The following SYNE2 variants were observed in gnomAD, a reference collection of about 807,000 sequenced individuals.
SYNE2 encodes nesprin-2.
A neutral mutation model predicts 856.3 loss-of-function variants in SYNE2; 431 were observed. That is an observed-to-expected ratio of 0.50 (90% CI 0.47 to 0.55). The LOEUF (loss-of-function observed/expected upper bound fraction) is 0.55, where lower values mean the gene tolerates loss of function less well. Ranked by LOEUF, SYNE2 falls within the 20% of genes least tolerant of loss-of-function variation. The probability of loss-of-function intolerance (pLI) is 0.00; values close to 1 mark genes in which losing one functional copy is unlikely to be tolerated. For synonymous variants in SYNE2, 2,923 were observed against 2,872.3 expected (o/e 1.02, Z -0.56); for missense variants, 8,129 against 8,023.2 (o/e 1.01, Z -0.50).
At chr14:64,096,506 C>CT (rs1215080346) in intron 61 of SYNE2, among the ~76,000 whole-genome samples, 8 of 152,178 alleles carry the variant, frequency 5.3e-5, no homozygotes, top group Non-Finnish European at 1.0e-4. Context: ...TTGTGTTATC[C>CT]TAGTGGCTGT....
chr14:64,127,431 A>G (rs1019146355), intron 73 of SYNE2, among the ~76,000 whole-genome samples: 6 of 152,112 alleles, frequency 3.9e-5, no homozygotes, highest in Non-Finnish European at 8.8e-5. Flanking sequence ...AAAAAAATAA[A>G]AAATAAAAAA....
At chr14:64,167,727 A>T (rs2098388562) in intron 92 of SYNE2, 88 bp downstream of exon 92, 3 of 1,554,962 alleles carry the variant, frequency 1.9e-6, no homozygotes, top group African/African-American at 2.7e-5. Context: ...CAGGGAGTGT[A>T]CCTATCAGTC....
chr14:64,224,911 A>G, intron 114 of SYNE2, 88 bp from the exon 115 acceptor site: 3 of 1,279,086 alleles, frequency 2.3e-6, no homozygotes, highest in Non-Finnish European at 2.2e-6. Context: ...AAGGTGGTAT[A>G]TAATTTAAGG....
chr14:63,947,729 C>T (rs1222492482), intron 6 of SYNE2, among the ~76,000 whole-genome samples: 2 of 152,028 alleles, frequency 1.3e-5, no homozygotes, highest in Non-Finnish European at 2.9e-5. Flanking sequence ...TCCAGCTACT[C>T]GAGAGGCTGA....
chr14:63,998,395 C>CTT, intron 26 of SYNE2, 67 bp downstream of exon 26: 5 of 1,095,446 alleles, frequency 4.6e-6, no homozygotes, highest in Non-Finnish European at 6.9e-6. Context: ...ACATGTTAGA[C>CTT]TTTTTAAAAG....
upstream of SYNE2, among the ~76,000 whole-genome samples, chr14:63,848,814 T>C (rs988601123): frequency 7.2e-5 from 11 of 152,242 alleles, no homozygotes; most frequent in African/African-American, 2.2e-4. Flanking sequence ...ATTTGTTTAG[T>C]GCTCACTGCC....
chr14:63,864,873 T>C (rs546213828), intron 1 of SYNE2, among the ~76,000 whole-genome samples: 112 of 152,146 alleles, frequency 7.4e-4, no homozygotes, highest in Non-Finnish European at 5.9e-4. Flanking sequence ...CCTGGGGTGT[T>C]GATCTTGAGT....
chr14:64,216,133 C>G (rs1001323434), intron 107 of SYNE2, 115 bp from the exon 108 acceptor site: 2 of 1,579,270 alleles, frequency 1.3e-6, no homozygotes, highest in East Asian at 2.3e-5. Flanking sequence ...TGCAAACATG[C>G]ATGCTTTGCA....
At chr14:63,981,727 G>C (rs886370266) in intron 16 of SYNE2, among the ~76,000 whole-genome samples, 1 of 151,922 alleles carries the variant, frequency 6.6e-6, no homozygotes, top group African/African-American at 2.4e-5. Context: ...TATCTGAGGT[G>C]GTTTTTCTTT....
At chr14:63,900,527 C>T (rs113959845) in intron 1 of SYNE2, among the ~76,000 whole-genome samples, 53 of 152,192 alleles carry the variant, frequency 3.5e-4, no homozygotes, top group African/African-American at 1.1e-3. Context: ...AAAGACCCAC[C>T]GCCATAATTC....
intron 99 of SYNE2, among the ~76,000 whole-genome samples, chr14:64,199,791 G>A (rs147119231): frequency 1.6e-3 from 247 of 151,600 alleles, no homozygotes; most frequent in African/African-American, 5.6e-3. Context: ...GGCCATCAGC[G>A]TGGGATATAG....
At chr14:64,084,244 T>C (rs2097543921) in intron 57 of SYNE2, 1 of 152,200 alleles carries the variant, frequency 6.6e-6, no homozygotes, top group African/African-American at 2.4e-5. Flanking sequence ...ATCAAATTTA[T>C]TGAGGTATAA....
At chr14:64,209,213 T>C in intron 101 of SYNE2, 2 of 876,242 alleles carry the variant, frequency 2.3e-6, no homozygotes, top group Non-Finnish European at 3.5e-6. Flanking sequence ...GGCAGCCCTG[T>C]CTCCTGGTTT....
intron 1 of SYNE2, chr14:63,864,506 T>C (rs1466169226): frequency 6.6e-6 from 1 of 152,234 alleles, no homozygotes. Flanking sequence ...CATGTTGTCT[T>C]GCAGTCGGTC....
In SYNE2 at chr14:64,030,198, A is replaced by G. The variant is rs937364392; in HGVS notation, c.6879+139A>G. Reference sequence around the variant, plus strand: ...TAGGTAATTAAAGCTCTGACCAGTCATAATAAATGAGAATGTCCTTCTTTA... The same window carrying G: ...TAGGTAATTAAAGCTCTGACCAGTCGTAATAAATGAGAATGTCCTTCTTTA... On this transcript the variant is annotated intron_variant, in intron 44 of 115. Coordinates refer to ENST00000555002, the MANE Select transcript of SYNE2 (RefSeq NM_182914.3). 7 of 861,642 alleles carry G rather than the reference A, an allele frequency of 8.1e-6. No homozygotes were observed. The East Asian group carries it at 1.1e-4, about 13-fold the overall frequency. 53.4% of individuals were successfully genotyped at this position (861,642 alleles called of 1,614,324 possible).
intron 1 of SYNE2, among the ~76,000 whole-genome samples, chr14:63,885,512 T>C (rs1405807935): frequency 1.3e-5 from 2 of 152,242 alleles, no homozygotes; most frequent in African/African-American, 4.8e-5. Context: ...CTATGTTTTT[T>C]CCAATTTTCT....
At chr14:64,022,694 T>TA in intron 37 of SYNE2, 57 bp from the exon 38 acceptor site, 1 of 897,008 alleles carries the variant, frequency 1.1e-6, no homozygotes, top group South Asian at 1.4e-5. Flanking sequence ...TCTCTCACTT[T>TA]AACAAGATGT....
intron 84 of SYNE2, 95 bp downstream of exon 84, chr14:64,146,318 C>T (rs1039259531): frequency 9.6e-5 from 112 of 1,172,316 alleles, no homozygotes; most frequent in Non-Finnish European, 1.1e-4. Context: ...TTTGTGGAAA[C>T]TCTCTTCCAG....
At chr14:63,948,188 C>G (rs1361354069) in intron 6 of SYNE2, among the ~76,000 whole-genome samples, 1 of 151,882 alleles carries the variant, frequency 6.6e-6, no homozygotes, top group African/African-American at 2.4e-5. Flanking sequence ...CACACACACA[C>G]ACACACACAC....
Sources: gnomAD v4.1 joint callset for allele counts (sites outside exome capture counted in the v4.1 genomes callset) on GRCh38, gnomAD v4.1.1 for gene constraint, MANE v1.5 for transcripts, NCBI Gene and HGNC (gene_info 2026-07-23, HGNC 2026-07-21) for gene names.